The following MEP1B variants were observed in gnomAD, a reference collection of about 807,000 sequenced individuals.
The protein encoded by MEP1B is meprin A subunit beta.
Under a neutral mutation model 84.6 loss-of-function variants are expected in MEP1B, and 80 were observed. That is an observed-to-expected ratio of 0.95 (90% confidence interval 0.79 to 1.14). The LOEUF (loss-of-function observed/expected upper bound fraction) is 1.14. MEP1B is among the 50% of genes most tolerant of loss of function. The pLI, the probability that MEP1B is intolerant of heterozygous loss-of-function variation, is 0.00. For synonymous variants in MEP1B, 273 were observed against 288.1 expected, an observed-to-expected ratio of 0.95 and a Z score of 0.53; for missense variants, 766 against 855.1, an observed-to-expected ratio of 0.90 and a Z score of 1.30.
intron 13 of MEP1B, 83 bp downstream of exon 13, chr18:32,217,200 C>T: frequency 1.4e-6 from 2 of 1,432,648 alleles, no homozygotes; most frequent in Non-Finnish European, 1.9e-6. Flanking sequence ...CTTAATAGTT[C>T]TTATGAATGA....
rs2041051807 is a variant in MEP1B at position 32,213,482 on chromosome 18, T to G, written c.1502T>G (p.Leu501Arg). Residue 501 changes from leucine (L) to arginine (R), a missense_variant, in exon 11 of 15, where the codon CTT becomes CGT. Physicochemically the swap from Leu to Arg is moderately radical, Grantham distance 102. Coordinates refer to ENST00000269202, the MANE Select transcript of MEP1B (RefSeq NM_005925.3). ...CCTTGGCAACAAGCCACAATGACACTTTTGGATCAAAATCCTGACATTCGA... is the reference window on the plus strand; with the variant it reads ...CCTTGGCAACAAGCCACAATGACACGTTTGGATCAAAATCCTGACATTCGA... ...PCPWQQATMT[L>R]LDQNPDIRQR... 1 of 1,613,970 alleles carries G rather than the reference T, an allele frequency of 6.2e-7. No individual in the cohort carries two copies. The highest frequency in any genetic ancestry group is 8.5e-7 in the Non-Finnish European group (1 of 1,179,864).
rs138748591 is a variant in MEP1B, at chr18:32,210,139, G to T, written c.920-362G>T. ...GTAGAATCTACCTTTTAGCCCTGCT[G>T]TTTGGGCTTGACCTGCAGCCTTACA... On this transcript the variant is annotated intron_variant, in intron 9 of 14. Coordinates refer to ENST00000269202, the MANE Select transcript of MEP1B (RefSeq NM_005925.3). 2.1e-3 allele frequency among the ~76,000 whole-genome samples: 321 copies of T among 152,352 alleles called. 1 individual carries two copies. Among genetic ancestry groups the T allele is most frequent in the African/African-American group, 6.9e-3 (287 of 41,582 alleles).
intron 1 of MEP1B, among the ~76,000 whole-genome samples, chr18:32,190,952 T>C (rs1463306006): frequency 6.6e-6 from 1 of 152,148 alleles, no homozygotes; most frequent in African/African-American, 2.4e-5. Flanking sequence ...ATATGTAAGC[T>C]GTATTTGAAT....
At position 32,196,023 on chromosome 18, in the gene MEP1B, C is replaced by T; in HGVS notation, c.250+538C>T. 2.6e-6 allele frequency: 1 copy of T among 382,180 alleles called. No homozygotes were observed. Among genetic ancestry groups the T allele is most frequent in the Non-Finnish European group, 5.0e-6 (1 of 200,928 alleles). 23.7% of individuals were successfully genotyped at this position (382,180 alleles called of 1,614,324 possible). A position where few individuals can be genotyped will look rare whatever the true frequency, so the allele number is the denominator to read the frequency against. ...TGACTGTCCATCTGCCTGTCCCTCT[C>T]TATCCCTGCAAGTTCGGGGAAGAAG... On this transcript the variant is annotated intron_variant, in intron 5 of 14. Coordinates refer to ENST00000269202, the MANE Select transcript of MEP1B (RefSeq NM_005925.3). The surrounding 1 kb of genome is among the most constrained non-coding windows in gnomAD (Gnocchi z 4.4).
chr18:32,199,131 G>C (rs16962818), intron 5 of MEP1B, among the ~76,000 whole-genome samples: 57,614 of 151,988 alleles, frequency 0.38, 11,294 homozygotes, highest in African/African-American at 0.47. Flanking sequence ...AATTTGAAAT[G>C]CATCAGAGTC....
Position 32,196,780 on chromosome 18 carries a change from TG to T in MEP1B, c.250+1299del. On this transcript the variant is annotated intron_variant, in intron 5 of 14. Coordinates refer to ENST00000269202, the MANE Select transcript of MEP1B (RefSeq NM_005925.3). This position sits in a 1 kb window ranked among gnomAD's most constrained non-coding sequence, Gnocchi z 4.4. ...AGGTGCATGTTTTCCTGGATGGTGT[TG>T]GGGTGCTCGATGCCCATCACCCGCA... 3.0e-6 allele frequency: 2 copies of T among 666,408 alleles called. No individual in the cohort carries two copies. Among genetic ancestry groups the T allele is most frequent in the Admixed American group, 2.1e-5 (1 of 46,580 alleles). 41.3% of individuals were successfully genotyped at this position (666,408 alleles called of 1,614,324 possible).
chr18:32,202,342 C>A (rs1204244174), intron 5 of MEP1B, among the ~76,000 whole-genome samples: 1 of 152,172 alleles, frequency 6.6e-6, no homozygotes. Context: ...CTCTTATATC[C>A]AGAGCATTGG....
rs2040859014 is a variant in MEP1B, at chr18:32,196,681, G to A, written c.250+1196G>A. 1.5e-6 allele frequency: 1 copy of A among 657,992 alleles called. No individual in the cohort carries two copies. The highest frequency in any genetic ancestry group is 1.7e-5 in the South Asian group (1 of 59,504). 40.8% of individuals were successfully genotyped at this position (657,992 alleles called of 1,614,324 possible). ...CGGGGTGTCTTCCCCAAGCACCAGC[G>A]CATGAGGTAGTGGGCGCCCTGCAGC... On this transcript the variant is annotated intron_variant, in intron 5 of 14. Coordinates refer to ENST00000269202, the MANE Select transcript of MEP1B (RefSeq NM_005925.3). The surrounding 1 kb of genome is among the most constrained non-coding windows in gnomAD (Gnocchi z 4.4).
At chr18:32,202,825 C>A (rs2040925290) in intron 5 of MEP1B, 68 bp from the exon 6 acceptor site, 2 of 956,280 alleles carry the variant, frequency 2.1e-6, no homozygotes, top group Admixed American at 2.1e-5. Flanking sequence ...CAGTGGCCTG[C>A]TTCCATGGAA....
In MEP1B at chr18:32,210,710, A is replaced by C; in HGVS notation, c.1129A>C (p.Ile377Leu). The change falls in exon 10 of 15, where the codon ATA becomes CTA. Residue 377 changes from isoleucine (I) to leucine (L), a missense_variant. Ile to Leu is a conservative substitution (Grantham distance 5, BLOSUM62 2). Transcript: ENST00000269202. ...VDGNLTLVEE[I>L]KEIPTGSWQL... Reference sequence around the variant, plus strand: ...TGGCAATTTAACCCTTGTGGAAGAAATAAAAGGTACAATGTCAACATCCTT... The same window carrying C: ...TGGCAATTTAACCCTTGTGGAAGAACTAAAAGGTACAATGTCAACATCCTT... 1 of 1,612,252 alleles carries C rather than the reference A, an allele frequency of 6.2e-7. No homozygotes were observed. Among genetic ancestry groups the C allele is most frequent in the Non-Finnish European group, 8.5e-7 (1 of 1,178,740 alleles).
chr18:32,207,505 T>G (rs1396104655), intron 8 of MEP1B, 35 bp downstream of exon 8: 1 of 1,438,612 alleles, frequency 7.0e-7, no homozygotes, highest in Non-Finnish European at 9.7e-7. Flanking sequence ...ACTTATATTT[T>G]CCGCTGTTAT....
chr18:32,203,137 A>C, intron 6 of MEP1B, 127 bp downstream of exon 6: 1 of 545,084 alleles, frequency 1.8e-6, no homozygotes, highest in South Asian at 2.9e-5. Context: ...TAGTTGCTGG[A>C]GAGTAAAAAA....
In MEP1B at chr18:32,196,684, T is replaced by A; in HGVS notation, c.250+1199T>A. ...GGTGTCTTCCCCAAGCACCAGCGCA[T>A]GAGGTAGTGGGCGCCCTGCAGCAGG... On this transcript the variant is annotated intron_variant, in intron 5 of 14. Transcript: ENST00000269202. This position sits in a 1 kb window ranked among gnomAD's most constrained non-coding sequence, Gnocchi z 4.4. 1.5e-6 allele frequency: 1 copy of A among 655,564 alleles called. No individual in the cohort carries two copies. The highest frequency in any genetic ancestry group is 2.6e-5 in the East Asian group (1 of 37,896). 40.6% of individuals were successfully genotyped at this position (655,564 alleles called of 1,614,324 possible). A position where few individuals can be genotyped will look rare whatever the true frequency, so the allele number is the denominator to read the frequency against.
intron 5 of MEP1B, among the ~76,000 whole-genome samples, chr18:32,199,668 G>GTTCGTTCCTTCCTTCCTTCCTTCC (rs764626455): frequency 7.9e-6 from 1 of 126,848 alleles, no homozygotes; most frequent in African/African-American, 3.3e-5. Context: ...CCTTTCGTTC[G>GTTCGTTCCTTCCTTCCTTCCTTCC]TTCCTTCCTT....
chr18:32,210,809 G>T, intron 10 of MEP1B, 93 bp downstream of exon 10: 1 of 989,390 alleles, frequency 1.0e-6, no homozygotes, highest in Non-Finnish European at 1.6e-6. Flanking sequence ...TAGGGCAGGG[G>T]CTACTGAGTC....
chr18:32,192,882 G>A, intron 4 of MEP1B, 65 bp downstream of exon 4: 1 of 1,281,778 alleles, frequency 7.8e-7, no homozygotes, highest in Non-Finnish European at 1.1e-6. Flanking sequence ...CAGAGTAACT[G>A]AGAAAGATTA....
At chr18:32,206,991 G>A (rs1353262710) in intron 7 of MEP1B, among the ~76,000 whole-genome samples, 1 of 152,150 alleles carries the variant, frequency 6.6e-6, no homozygotes, top group Non-Finnish European at 1.5e-5. Context: ...CTTTCCACGA[G>A]CAATTTTTAC....
intron 5 of MEP1B, among the ~76,000 whole-genome samples, chr18:32,200,346 A>G (rs1057436183): frequency 2.0e-5 from 3 of 152,018 alleles, no homozygotes; most frequent in African/African-American, 7.2e-5. Flanking sequence ...GCATTTTTTC[A>G]TATTGTATAG....
Position 32,196,783 on chromosome 18 carries a change from G to T in MEP1B, c.250+1298G>T, listed in dbSNP as rs2040860168. ...TGCATGTTTTCCTGGATGGTGTTGG[G>T]GTGCTCGATGCCCATCACCCGCACG... On this transcript the variant is annotated intron_variant, in intron 5 of 14. Transcript: ENST00000269202. This position sits in a 1 kb window ranked among gnomAD's most constrained non-coding sequence, Gnocchi z 4.4. 1.5e-6 allele frequency: 1 copy of T among 663,394 alleles called. No homozygotes were observed. The highest frequency in any genetic ancestry group is 2.7e-5 in the East Asian group (1 of 37,192). 41.1% of individuals were successfully genotyped at this position (663,394 alleles called of 1,614,324 possible).
Sources: allele counts gnomAD v4.1 joint callset (sites outside exome capture counted in the v4.1 genomes callset), GRCh38; gene constraint gnomAD v4.1.1; non-coding constraint Gnocchi (gnomAD v3.1); transcripts MANE v1.5; gene names NCBI Gene and HGNC (gene_info 2026-07-23, HGNC 2026-07-21).